DPYSL3: variants seen among roughly 807,000 people sequenced by gnomAD.
DPYSL3 encodes dihydropyrimidinase-related protein 3.
In DPYSL3, 16 loss-of-function variants were observed where a neutral mutation model predicts 66.1. The observed-to-expected ratio is 0.24, with a 90% confidence interval of 0.16 to 0.37. DPYSL3 has a LOEUF of 0.37. DPYSL3 is among the 10% of genes least tolerant of loss of function. The pLI is 1.00. For missense variants in DPYSL3, 738 were observed against 916.2 expected, an observed-to-expected ratio of 0.81 and a Z score of 2.51; for synonymous variants, 338 against 345.1, an observed-to-expected ratio of 0.98 and a Z score of 0.23.
intron 1 of DPYSL3, among the ~76,000 whole-genome samples, chr5:147,497,228 C>A (rs542025923): frequency 1.5e-5 from 2 of 132,950 alleles, no homozygotes; most frequent in Non-Finnish European, 1.5e-5. Context: ...GGAAGGGGAA[C>A]ATCACACACC....
At chr5:147,405,760 G>A (rs1307699994) in intron 7 of DPYSL3, 30 bp from the exon 8 acceptor site, 1 of 1,598,312 alleles carries the variant, frequency 6.3e-7, no homozygotes, top group Non-Finnish European at 8.5e-7. Flanking sequence ...GGAGTCAATA[G>A]AAACATGAAC....
chr5:147,503,088 C>T (rs1473717035), intron 1 of DPYSL3, among the ~76,000 whole-genome samples: 1 of 152,078 alleles, frequency 6.6e-6, no homozygotes, highest in Non-Finnish European at 1.5e-5. Context: ...AAAAGGGCAT[C>T]TATCACTGAA....
intron 1 of DPYSL3, among the ~76,000 whole-genome samples, chr5:147,459,538 AT>A (rs1400641937): frequency 3.9e-5 from 6 of 152,180 alleles, no homozygotes; most frequent in Non-Finnish European, 8.8e-5. Context: ...CTATTATTAG[AT>A]GTCTACACAT....
At chr5:147,433,515 C>A (rs1752353957) in intron 1 of DPYSL3, among the ~76,000 whole-genome samples, 1 of 152,088 alleles carries the variant, frequency 6.6e-6, no homozygotes, top group Non-Finnish European at 1.5e-5. Flanking sequence ...TAGGTAGCAA[C>A]TGAGGGAGTC....
intron 1 of DPYSL3, among the ~76,000 whole-genome samples, chr5:147,496,332 C>T (rs528245318): frequency 7.2e-5 from 11 of 152,106 alleles, no homozygotes; most frequent in African/African-American, 2.2e-4. Context: ...TCAGGACATA[C>T]GCATGGGCAA....
Position 147,409,275 on chromosome 5 carries a change from G to C in DPYSL3, c.964-479C>G, listed in dbSNP as rs7737514. Among the ~76,000 whole-genome samples, 3 of 152,274 alleles carry C rather than the reference G, an allele frequency of 2.0e-5. No individual in the cohort carries two copies. In the South Asian group the frequency reaches 6.2e-4, roughly 32 times the overall value. ...CTTATAATTTAGTGCTATGTTTCCC[G>C]AAGTGTGGGCCACTCATCACTTACA... On this transcript the variant is annotated intron_variant, in intron 6 of 13. Transcript: ENST00000343218.
intron 1 of DPYSL3, among the ~76,000 whole-genome samples, chr5:147,465,300 C>G (rs1005120385): frequency 2.0e-5 from 3 of 152,026 alleles, no homozygotes; most frequent in Non-Finnish European, 4.4e-5. Flanking sequence ...GGTATTCTAC[C>G]CAGGTCTCTC....
At chr5:147,504,677 G>C (rs187303365) in intron 1 of DPYSL3, among the ~76,000 whole-genome samples, 3 of 152,316 alleles carry the variant, frequency 2.0e-5, no homozygotes, top group African/African-American at 4.8e-5. Flanking sequence ...ATGGTAAAAA[G>C]GTAACGGCCA....
rs1285736365 is a variant in DPYSL3 at position 147,400,662 on chromosome 5, G to T, written c.1452+30C>A. On this transcript the variant is annotated intron_variant, in intron 10 of 13. Transcript: ENST00000343218. ...TCTGGCCCATGGATGTTTTGGCTCT[G>T]GCCACCCTCCCATGACCTCCATGCC... 3.7e-6 allele frequency: 6 copies of T among 1,608,502 alleles called. No homozygotes were observed. In the East Asian group the frequency reaches 1.3e-4, roughly 36 times the overall value.
chr5:147,437,615 G>A (rs1002619452), intron 1 of DPYSL3, among the ~76,000 whole-genome samples: 1 of 152,150 alleles, frequency 6.6e-6, no homozygotes, highest in Non-Finnish European at 1.5e-5. Context: ...TGGAAGGAAG[G>A]AATTGTCTCA....
chr5:147,449,258 A>G (rs2126390072), intron 1 of DPYSL3, among the ~76,000 whole-genome samples: 1 of 152,268 alleles, frequency 6.6e-6, no homozygotes, highest in South Asian at 2.1e-4. Context: ...GAAAAAGAAA[A>G]TAAATTCCAG....
intron 6 of DPYSL3, 41 bp downstream of exon 6, chr5:147,412,567 T>C: frequency 6.3e-7 from 1 of 1,577,910 alleles, no homozygotes; most frequent in South Asian, 1.1e-5. Context: ...GAAAATGGAA[T>C]GCAGACCCAA....
intron 1 of DPYSL3, among the ~76,000 whole-genome samples, chr5:147,506,044 C>T (rs554306798): frequency 3.9e-5 from 6 of 152,092 alleles, no homozygotes; most frequent in Non-Finnish European, 7.3e-5. Flanking sequence ...TCGGTTATAA[C>T]CATTTTCTGT....
At chr5:147,460,897 AC>A (rs1403282102) in intron 1 of DPYSL3, among the ~76,000 whole-genome samples, 3 of 152,224 alleles carry the variant, frequency 2.0e-5, no homozygotes, top group Admixed American at 2.0e-4. Context: ...CCACACAAGT[AC>A]CAATAGGAGA....
intron 1 of DPYSL3, among the ~76,000 whole-genome samples, chr5:147,494,081 T>C (rs1470792819): frequency 1.3e-5 from 2 of 152,080 alleles, no homozygotes; most frequent in East Asian, 1.9e-4. Context: ...TAATCCCAGC[T>C]ACTCGGGAGG....
chr5:147,460,085 T>C (rs1437518889), intron 1 of DPYSL3, among the ~76,000 whole-genome samples: 1 of 151,198 alleles, frequency 6.6e-6, no homozygotes, highest in Non-Finnish European at 1.5e-5. Flanking sequence ...CACTCCAGCC[T>C]GGGCGACAGA....
intron 12 of DPYSL3, among the ~76,000 whole-genome samples, chr5:147,396,953 C>T (rs891117641): frequency 1.2e-4 from 14 of 112,062 alleles, no homozygotes; most frequent in South Asian, 2.9e-4. Context: ...TTTATTTATA[C>T]GCATTTTTGT....
intron 3 of DPYSL3, among the ~76,000 whole-genome samples, chr5:147,417,875 A>G (rs887551764): frequency 1.3e-5 from 2 of 152,208 alleles, no homozygotes; most frequent in African/African-American, 4.8e-5. Context: ...AAAGATGCAG[A>G]TGCCTCCAGC....
intron 1 of DPYSL3, among the ~76,000 whole-genome samples, chr5:147,446,817 C>T (rs1752637593): frequency 6.6e-6 from 1 of 152,216 alleles, no homozygotes; most frequent in Admixed American, 6.5e-5. Flanking sequence ...CTTGTTGTTC[C>T]AATAGTGATG....
Sources: gnomAD v4.1 joint callset for allele counts (sites outside exome capture counted in the v4.1 genomes callset) on GRCh38, gnomAD v4.1.1 for gene constraint, MANE v1.5 for transcripts, NCBI Gene and HGNC (gene_info 2026-07-23, HGNC 2026-07-21) for gene names.